WRAP73: variants seen among roughly 807,000 people sequenced by gnomAD.
WRAP73 encodes the protein WD repeat containing, antisense to TP73.
WRAP73 carries 55 observed loss-of-function variants against 59.6 expected under a neutral mutation model. The ratio of observed to expected loss-of-function variants is 0.92; its 90% CI spans 0.74 to 1.15. WRAP73 has a LOEUF of 1.15. Ranked by LOEUF, WRAP73 falls within the 50% of genes most tolerant of loss-of-function variation. The pLI, the probability that WRAP73 is intolerant of heterozygous loss-of-function variation, is 0.00. For missense variants in WRAP73, 592 were observed against 608.1 expected, an observed-to-expected ratio of 0.97 and a Z score of 0.28; for synonymous variants, 265 against 258.2, an observed-to-expected ratio of 1.03 and a Z score of -0.25.
chr1:3,644,724 T>C (rs749165552), intron 3 of WRAP73, among the ~76,000 whole-genome samples: 12 of 152,254 alleles, frequency 7.9e-5, no homozygotes, highest in Admixed American at 1.3e-4. Flanking sequence ...ATGTACTCTA[T>C]GAAAAATCAG....
At position 3,650,030 on chromosome 1, in the gene WRAP73, GC is replaced by G. The variant is rs1557467387; in HGVS notation, c.-32del. On this transcript the variant is annotated 5_prime_UTR_variant, in exon 1 of 12. Coordinates refer to ENST00000270708, the MANE Select transcript of WRAP73 (RefSeq NM_017818.4). Reference sequence around the variant, plus strand: ...CCGCCTGCCGCGGGCGCCACCCTGCGCCCGAAAACCCGCGGGACCCCTGGGC... The same window carrying G: ...CCGCCTGCCGCGGGCGCCACCCTGCGCCGAAAACCCGCGGGACCCCTGGGC... 1.3e-6 allele frequency: 2 copies of G among 1,573,678 alleles called. No homozygotes were observed. Among genetic ancestry groups the G allele is most frequent in the East Asian group, 4.8e-5 (2 of 41,380 alleles).
intron 3 of WRAP73, among the ~76,000 whole-genome samples, chr1:3,641,865 A>T (rs1225651086): frequency 1.3e-5 from 2 of 152,246 alleles, no homozygotes; most frequent in Non-Finnish European, 2.9e-5. Flanking sequence ...AAAAGGATAG[A>T]AAAAGACATA....
chr1:3,646,160 G>GGCA lies in WRAP73; in HGVS notation c.339+503_339+505dup, dbSNP rs1271407780. On this transcript the variant is annotated intron_variant, in intron 3 of 11. Transcript: ENST00000270708. The surrounding 1 kb of genome is among the most constrained non-coding windows in gnomAD (Gnocchi z 5.1). ...GAGCCACCTCAGTCATCAGACCCAG[G>GGCA]GCAGCAGACAGTGCCTGTGTTCACG... 6.6e-6 allele frequency among the ~76,000 whole-genome samples: 1 copy of GGCA among 152,198 alleles called. No individual in the cohort carries two copies. Among genetic ancestry groups the GGCA allele is most frequent in the Non-Finnish European group, 1.5e-5 (1 of 68,032 alleles).
At chr1:3,637,193 A>T in intron 4 of WRAP73, 95 bp from the exon 5 acceptor site, 18 of 1,080,110 alleles carry the variant, frequency 1.7e-5, no homozygotes, top group Non-Finnish European at 2.5e-5. Flanking sequence ...GAGGAAAAGA[A>T]AGCAGAGGTG....
At chr1:3,641,358 C>G (rs34461044) in intron 3 of WRAP73, among the ~76,000 whole-genome samples, 4,562 of 152,264 alleles carry the variant, frequency 0.03, 93 homozygotes, top group Non-Finnish European at 0.046. Flanking sequence ...ACGGGAGGAA[C>G]AGGCCACTGA....
At position 3,633,169 on chromosome 1, in the gene WRAP73, G is replaced by A. The variant is rs904384190; in HGVS notation, c.922+229C>T. On this transcript the variant is annotated intron_variant, in intron 9 of 11. Coordinates refer to ENST00000270708, the MANE Select transcript of WRAP73 (RefSeq NM_017818.4). ...CCTCGGAGCTCCCGCTGTCAGATCC[G>A]GGTCTCCAGGGCTCATATTCAGTAA... 1.4e-5 allele frequency: 7 copies of A among 497,476 alleles called. No homozygotes were observed. In the East Asian group the frequency reaches 1.9e-4, roughly 13 times the overall value. 30.8% of individuals were successfully genotyped at this position (497,476 alleles called of 1,614,324 possible). A position where few individuals can be genotyped will look rare whatever the true frequency, so the allele number is the denominator to read the frequency against.
chr1:3,644,427 C>A (rs1644671371), intron 3 of WRAP73, among the ~76,000 whole-genome samples: 1 of 151,868 alleles, frequency 6.6e-6, no homozygotes, highest in Non-Finnish European at 1.5e-5. Context: ...GACCTAGTGG[C>A]CCCGCTAATC....
rs540486518 is a variant in WRAP73, at chr1:3,639,322, G to A, written c.340-500C>T. On this transcript the variant is annotated intron_variant, in intron 3 of 11. Transcript: ENST00000270708. The surrounding 1 kb of genome is among the most constrained non-coding windows in gnomAD (Gnocchi z 4.3). ...AAGAAGGTGTCCGTCTGCCTCCTGC[G>A]TGTGCTCGCTGGCCTGGCTGCATCT... The A allele has an allele frequency of 1.6e-3, 272 of 172,622 alleles. 1 individual carries two copies. Among genetic ancestry groups the A allele is most frequent in the Non-Finnish European group, 2.5e-3 (206 of 81,896 alleles). 10.7% of individuals were successfully genotyped at this position (172,622 alleles called of 1,614,324 possible).
intron 1 of WRAP73, 72 bp downstream of exon 1, chr1:3,649,858 GC>G: frequency 6.6e-7 from 1 of 1,505,192 alleles, no homozygotes; most frequent in Admixed American, 2.3e-5. Flanking sequence ...CCACGCGGCC[GC>G]CCCCGGCCCT....
In WRAP73 at chr1:3,639,064, C is replaced by T. The variant is rs894293166; in HGVS notation, c.340-242G>A. ...TGTTTTATACCAAAATTGAGTGACA[C>T]AAAGTTAAATCCAAGTGCTTTTTCA... On this transcript the variant is annotated intron_variant, in intron 3 of 11. Coordinates refer to ENST00000270708, the MANE Select transcript of WRAP73 (RefSeq NM_017818.4). This position sits in a 1 kb window ranked among gnomAD's most constrained non-coding sequence, Gnocchi z 4.3. The T allele has an allele frequency of 2.0e-6, 1 of 502,782 alleles. No individual in the cohort carries two copies. The highest frequency in any genetic ancestry group is 3.5e-6 in the Non-Finnish European group (1 of 286,032). 31.1% of individuals were successfully genotyped at this position (502,782 alleles called of 1,614,324 possible). A position where few individuals can be genotyped will look rare whatever the true frequency, so the allele number is the denominator to read the frequency against.
At chr1:3,649,649 C>T (rs1644722136) in intron 1 of WRAP73, among the ~76,000 whole-genome samples, 1 of 150,994 alleles carries the variant, frequency 6.6e-6, no homozygotes. Flanking sequence ...TGCCTGGGCC[C>T]CGCACCTGCT....
Position 3,634,981 on chromosome 1 carries a change from C to T in WRAP73, c.816+16G>A, listed in dbSNP as rs764973638. On this transcript the variant is annotated intron_variant, in intron 8 of 11. Transcript: ENST00000270708. The stretch of plus-strand genomic sequence containing the variant: ...CCAACAGCCTGCTCAGGCAGAAACA[C>T]GTGTTCCAGACTTACTATCTTGGGA... The T allele has an allele frequency of 4.2e-5, 68 of 1,613,942 alleles. No homozygotes were observed. The highest frequency in any genetic ancestry group is 1.6e-4 in the Middle Eastern group (1 of 6,080).
At position 3,635,153 on chromosome 1, in the gene WRAP73, T is replaced by C; in HGVS notation, c.738+7A>G. ...GGACTTCCTGAGTGCCCTGCACTGGTTCCCACCTTTCCATCATAGCTCCCA... is the reference window on the plus strand; with the variant it reads ...GGACTTCCTGAGTGCCCTGCACTGGCTCCCACCTTTCCATCATAGCTCCCA... On this transcript the variant is annotated splice_region_variant and intron_variant, in intron 7 of 11. Coordinates refer to ENST00000270708, the MANE Select transcript of WRAP73 (RefSeq NM_017818.4). 6.2e-7 allele frequency: 1 copy of C among 1,614,046 alleles called. No homozygotes were observed. Among genetic ancestry groups the C allele is most frequent in the Non-Finnish European group, 8.5e-7 (1 of 1,180,016 alleles).
At chr1:3,635,730 A>G in intron 6 of WRAP73, 1 of 547,602 alleles carries the variant, frequency 1.8e-6, no homozygotes, top group Non-Finnish European at 3.2e-6. Flanking sequence ...CTGAGGTAGG[A>G]GGATCACTTG....
chr1:3,633,122 T>C, intron 9 of WRAP73: 1 of 406,930 alleles, frequency 2.5e-6, no homozygotes, highest in Non-Finnish European at 4.4e-6. Flanking sequence ...AACATCATTC[T>C]CGGAGCTCCG....
intron 4 of WRAP73, 70 bp downstream of exon 4, chr1:3,638,680 G>T: frequency 6.3e-7 from 1 of 1,579,474 alleles, no homozygotes; most frequent in South Asian, 1.1e-5. Flanking sequence ...CTGCCTCTTT[G>T]AAACTTCCCG....
At chr1:3,642,185 C>T (rs1644652652) in intron 3 of WRAP73, among the ~76,000 whole-genome samples, 1 of 152,102 alleles carries the variant, frequency 6.6e-6, no homozygotes, top group Non-Finnish European at 1.5e-5. Flanking sequence ...TTTAGGAGCT[C>T]GAGACCAGCC....
intron 10 of WRAP73, 197 bp from the exon 11 acceptor site, chr1:3,631,854 T>C: frequency 7.1e-7 from 1 of 1,404,778 alleles, no homozygotes. Context: ...TCACGGGCTG[T>C]AAGGGGCCCA....
At chr1:3,631,751 G>A (rs1159354943) in intron 10 of WRAP73, 94 bp from the exon 11 acceptor site, 12 of 1,496,254 alleles carry the variant, frequency 8.0e-6, no homozygotes, top group Non-Finnish European at 1.1e-5. Context: ...CCACAGGAGG[G>A]GAGGGGAAGA....
Sources: gnomAD v4.1 joint callset for allele counts (sites outside exome capture counted in the v4.1 genomes callset) on GRCh38, gnomAD v4.1.1 for gene constraint, Gnocchi (gnomAD v3.1) non-coding constraint, MANE v1.5 for transcripts, NCBI Gene and HGNC (gene_info 2026-07-23, HGNC 2026-07-21) for gene names.